The following FHOD3 variants were observed in gnomAD, a reference collection of about 807,000 sequenced individuals.
FHOD3 encodes formin homology 2 domain containing 3, also known as FH1/FH2 domain-containing protein 3.
In FHOD3, 90 loss-of-function variants were observed where a neutral mutation model predicts 173.0. The observed-to-expected ratio is 0.52, with a 90% CI of 0.44 to 0.62. The LOEUF (loss-of-function observed/expected upper bound fraction) is 0.62, where lower values mean the gene tolerates loss of function less well. Ranked by LOEUF, FHOD3 falls within the 20% of genes least tolerant of loss-of-function variation. The pLI is 0.00. For synonymous variants in FHOD3, 828 were observed against 823.0 expected, an observed-to-expected ratio of 1.01 and a Z score of -0.10; for missense variants, 1,945 against 2,034.7, an observed-to-expected ratio of 0.96 and a Z score of 0.85.
chr18:36,402,829 A>G (rs2048889359), intron 3 of FHOD3, among the ~76,000 whole-genome samples: 1 of 152,222 alleles, frequency 6.6e-6, no homozygotes. Context: ...CTAGAACCAC[A>G]GTGAGTTTCC....
At chr18:36,625,786 A>G (rs2034061073) in intron 10 of FHOD3, 37 bp downstream of exon 10, 2 of 1,538,036 alleles carry the variant, frequency 1.3e-6, no homozygotes, top group Non-Finnish European at 1.8e-6. Flanking sequence ...GGGTGCAAGG[A>G]TGCCATCCAA....
chr18:36,555,237 A>G (rs551218902), intron 5 of FHOD3, among the ~76,000 whole-genome samples: 5 of 152,032 alleles, frequency 3.3e-5, no homozygotes, highest in African/African-American at 1.2e-4. Flanking sequence ...TTGTATTTTC[A>G]TTTTATTCGT....
chr18:36,335,562 C>T (rs530661846), intron 1 of FHOD3, among the ~76,000 whole-genome samples: 22 of 152,108 alleles, frequency 1.4e-4, no homozygotes, highest in South Asian at 8.3e-4. Context: ...TATGTTGGGC[C>T]GCATTCAAAG....
chr18:36,722,684 G>A (rs1600418751), intron 19 of FHOD3, among the ~76,000 whole-genome samples: 2 of 152,028 alleles, frequency 1.3e-5, no homozygotes, highest in South Asian at 4.2e-4. Flanking sequence ...AGCTCACTAC[G>A]GCCTCAAACT....
intron 5 of FHOD3, among the ~76,000 whole-genome samples, chr18:36,566,765 G>C (rs568216349): frequency 5.9e-5 from 9 of 152,214 alleles, no homozygotes; most frequent in Non-Finnish European, 4.4e-5. Context: ...TGTCTCAGAG[G>C]AACAATTAAG....
intron 6 of FHOD3, among the ~76,000 whole-genome samples, chr18:36,589,787 C>G (rs1045435414): frequency 2.6e-4 from 39 of 152,102 alleles, no homozygotes; most frequent in Non-Finnish European, 8.8e-5. Context: ...GCTTGTTGCC[C>G]TGTACTCCTG....
chr18:36,646,870 A>G (rs1277333972), intron 10 of FHOD3, among the ~76,000 whole-genome samples: 5 of 152,236 alleles, frequency 3.3e-5, no homozygotes, highest in Non-Finnish European at 5.9e-5. Flanking sequence ...GATGACATGA[A>G]GTGAATGAAA....
In FHOD3 at chr18:36,397,407, A is replaced by G. The variant is rs1246931786; in HGVS notation, c.337+24663A>G. Among the ~76,000 whole-genome samples the G allele has an allele frequency of 4.0e-5, 6 of 151,778 alleles. No individual in the cohort carries two copies. In the South Asian group the frequency reaches 8.3e-4, roughly 21 times the overall value. The stretch of plus-strand genomic sequence containing the variant: ...TGTTTTTACCCATTTGTATTTTGAC[A>G]TTTTTCATTTTATAAATATTGCTTA... On this transcript the variant is annotated intron_variant, in intron 3 of 28. Transcript: ENST00000590592.
chr18:36,345,332 C>A (rs2045830640), intron 1 of FHOD3, among the ~76,000 whole-genome samples: 1 of 151,784 alleles, frequency 6.6e-6, no homozygotes, highest in Non-Finnish European at 1.5e-5. Context: ...AGAAGAAATC[C>A]CAGTGAAATT....
intron 15 of FHOD3, among the ~76,000 whole-genome samples, chr18:36,682,225 C>T (rs1432884606): frequency 6.6e-6 from 1 of 152,176 alleles, no homozygotes; most frequent in African/African-American, 2.4e-5. Context: ...CCAGGTCATC[C>T]TCCTTCACAC....
chr18:36,650,496 A>G (rs2035978490), intron 11 of FHOD3, among the ~76,000 whole-genome samples: 1 of 152,222 alleles, frequency 6.6e-6, no homozygotes, highest in Non-Finnish European at 1.5e-5. Context: ...TGAGCTGATG[A>G]TAGAGAATTA....
chr18:36,641,214 C>A (rs2035283621), intron 10 of FHOD3, among the ~76,000 whole-genome samples: 2 of 152,298 alleles, frequency 1.3e-5, no homozygotes. Flanking sequence ...GGAAAAGTAA[C>A]TCTAGTCAGG....
intron 18 of FHOD3, among the ~76,000 whole-genome samples, chr18:36,711,923 C>T (rs1480548481): frequency 1.3e-5 from 2 of 152,162 alleles, no homozygotes; most frequent in Non-Finnish European, 2.9e-5. Flanking sequence ...GAAGCTGAAC[C>T]TCCCGCGTCC....
At chr18:36,516,162 C>T (rs535458222) in intron 5 of FHOD3, among the ~76,000 whole-genome samples, 9 of 152,102 alleles carry the variant, frequency 5.9e-5, no homozygotes, top group African/African-American at 1.9e-4. Context: ...TGGACATTTG[C>T]GATCAAGAAC....
At chr18:36,315,064 G>T (rs941180322) in intron 1 of FHOD3, among the ~76,000 whole-genome samples, 2 of 152,118 alleles carry the variant, frequency 1.3e-5, no homozygotes, top group Non-Finnish European at 2.9e-5. Context: ...TAAAGCATGG[G>T]CCTCGTCTCC....
chr18:36,433,190 T>G (rs2050641930), intron 3 of FHOD3, among the ~76,000 whole-genome samples: 1 of 152,222 alleles, frequency 6.6e-6, no homozygotes, highest in Non-Finnish European at 1.5e-5. Flanking sequence ...TTTAACCTAG[T>G]CACAATGATG....
At chr18:36,446,935 G>A (rs1268844922) in intron 3 of FHOD3, among the ~76,000 whole-genome samples, 1 of 152,086 alleles carries the variant, frequency 6.6e-6, no homozygotes, top group African/African-American at 2.4e-5. Context: ...CAGTGGGGAG[G>A]GGAAAGGCCA....
intron 17 of FHOD3, 80 bp downstream of exon 17, chr18:36,693,503 C>G: frequency 7.7e-7 from 1 of 1,296,984 alleles, no homozygotes; most frequent in Non-Finnish European, 1.1e-6. Context: ...ATGATTTCAA[C>G]CTGCAGGCTA....
At position 36,593,668 on chromosome 18, in the gene FHOD3, C is replaced by T. The variant is rs187229685; in HGVS notation, c.607-1119C>T. Among the ~76,000 whole-genome samples the T allele has an allele frequency of 1.6e-4, 24 of 152,240 alleles. No individual in the cohort carries two copies. In the East Asian group the frequency reaches 4.6e-3, roughly 29 times the overall value. ...GTAGCTGGAGCTGATTTGCTACAAC[C>T]AGTGATACAGGCTCAAGGGGTGGGC... On this transcript the variant is annotated intron_variant, in intron 6 of 28. Coordinates refer to ENST00000590592, the MANE Select transcript of FHOD3 (RefSeq NM_001281740.3).
Sources: gnomAD v4.1 joint callset for allele counts (sites outside exome capture counted in the v4.1 genomes callset) on GRCh38, gnomAD v4.1.1 for gene constraint, MANE v1.5 for transcripts, NCBI Gene and HGNC (gene_info 2026-07-23, HGNC 2026-07-21) for gene names.